Variants in DCLK1 observed in about 807,000 individuals in gnomAD.
DCLK1 encodes the protein serine/threonine-protein kinase DCLK1.
DCLK1 carries 16 observed loss-of-function variants against 86.2 expected under a neutral mutation model. The ratio of observed to expected loss-of-function variants is 0.19; its 90% CI spans 0.13 to 0.28. The LOEUF is 0.28. Ranked by LOEUF, DCLK1 falls within the 10% of genes least tolerant of loss-of-function variation. DCLK1 has a pLI of 1.00. For synonymous variants in DCLK1, 369 were observed against 370.5 expected (o/e 1.00, Z 0.05); for missense variants, 590 against 940.2 (o/e 0.63, Z 4.87).
At chr13:35,887,839 C>G (rs1873377015) in intron 4 of DCLK1, among the ~76,000 whole-genome samples, 1 of 119,184 alleles carries the variant, frequency 8.4e-6, no homozygotes, top group Admixed American at 1.1e-4. Context: ...CTCTTGTGCC[C>G]AGGAATTCAA....
chr13:36,025,971 G>C (rs1882019042), intron 3 of DCLK1, among the ~76,000 whole-genome samples: 1 of 152,086 alleles, frequency 6.6e-6, no homozygotes, highest in Non-Finnish European at 1.5e-5. Flanking sequence ...ATGGTGGGGG[G>C]AGAGGAAAGA....
chr13:36,101,005 G>T (rs1885199540), intron 3 of DCLK1, among the ~76,000 whole-genome samples: 1 of 152,122 alleles, frequency 6.6e-6, no homozygotes, highest in South Asian at 2.1e-4. Flanking sequence ...TCCGGGCATC[G>T]TCCATGTTGG....
chr13:35,879,395 T>A (rs1030497479), intron 4 of DCLK1, among the ~76,000 whole-genome samples: 1 of 152,208 alleles, frequency 6.6e-6, no homozygotes, highest in Admixed American at 6.5e-5. Flanking sequence ...TTTATGGCAC[T>A]GGGATTTTCT....
At chr13:35,825,989 T>G (rs913606231) in intron 10 of DCLK1, among the ~76,000 whole-genome samples, 1 of 151,728 alleles carries the variant, frequency 6.6e-6, no homozygotes, top group African/African-American at 2.4e-5. Context: ...ATTTTTTGTA[T>G]TTTTAGTAGA....
chr13:35,785,326 G>A (rs569915638), intron 16 of DCLK1, among the ~76,000 whole-genome samples: 13 of 152,108 alleles, frequency 8.5e-5, no homozygotes, highest in Non-Finnish European at 1.0e-4. Flanking sequence ...TTTCCAGGAA[G>A]GGGAAAATAT....
chr13:35,918,917 G>T lies in DCLK1; in HGVS notation c.823+28441C>A, dbSNP rs1364420849. 6.1e-4 allele frequency among the ~76,000 whole-genome samples: 4 copies of T among 6,510 alleles called. No homozygotes were observed. In the Admixed American group the frequency reaches 0.016, roughly 26 times the overall value. The allele number at this position is 6,510 out of a possible 152,430, so 4.3% of individuals were successfully genotyped here. The stretch of plus-strand genomic sequence containing the variant: ...GTTTTTTTTTTTTTTTTTGGAAACG[G>T]AGTCTCACTCACTCTGTCTGCTGCC... On this transcript the variant is annotated intron_variant, in intron 4 of 16. Transcript: ENST00000360631.
intron 16 of DCLK1, among the ~76,000 whole-genome samples, chr13:35,778,654 T>G (rs2086468901): frequency 6.6e-6 from 1 of 152,146 alleles, no homozygotes; most frequent in South Asian, 2.1e-4. Flanking sequence ...ATCCCAATTT[T>G]GAGAGACTGG....
At chr13:36,020,159 CA>C (rs1566648555) in intron 3 of DCLK1, among the ~76,000 whole-genome samples, 1 of 152,102 alleles carries the variant, frequency 6.6e-6, no homozygotes, top group East Asian at 1.9e-4. Context: ...ATGCTGGTGC[CA>C]TGCTTCTTGT....
intron 3 of DCLK1, among the ~76,000 whole-genome samples, chr13:36,051,473 C>T (rs117072856): frequency 0.015 from 2,289 of 152,222 alleles, 26 homozygotes; most frequent in Non-Finnish European, 0.026. Context: ...TTTAACAACA[C>T]ATAAGTACAT....
intron 4 of DCLK1, among the ~76,000 whole-genome samples, chr13:35,902,506 A>G (rs1434511515): frequency 6.6e-6 from 1 of 152,222 alleles, no homozygotes; most frequent in Non-Finnish European, 1.5e-5. Flanking sequence ...TGCGGGCAGA[A>G]GCATTATCAC....
At chr13:35,953,542 C>A (rs1024750776) in intron 3 of DCLK1, among the ~76,000 whole-genome samples, 34 of 152,126 alleles carry the variant, frequency 2.2e-4, no homozygotes, top group African/African-American at 7.0e-4. Context: ...GAATTCATAT[C>A]TTTTCCATTA....
chr13:35,860,293 T>C (rs978520415), intron 5 of DCLK1, among the ~76,000 whole-genome samples: 3 of 148,288 alleles, frequency 2.0e-5, no homozygotes, highest in African/African-American at 7.7e-5. Flanking sequence ...TGCCACATTA[T>C]TGAGAAGGAA....
chr13:35,838,285 A>C (rs1869538673), intron 7 of DCLK1, among the ~76,000 whole-genome samples: 1 of 152,178 alleles, frequency 6.6e-6, no homozygotes, highest in Non-Finnish European at 1.5e-5. Flanking sequence ...AATATAATAA[A>C]AGCACTTCCC....
chr13:35,965,312 C>T (rs977026773), intron 3 of DCLK1, among the ~76,000 whole-genome samples: 10 of 152,266 alleles, frequency 6.6e-5, no homozygotes, highest in African/African-American at 9.6e-5. Context: ...GCTGGGCATG[C>T]GTTGGCCATT....
intron 4 of DCLK1, among the ~76,000 whole-genome samples, chr13:35,920,685 G>A (rs1875746069): frequency 6.6e-6 from 1 of 152,254 alleles, no homozygotes; most frequent in Middle Eastern, 3.4e-3. Flanking sequence ...CTAAACCGGA[G>A]ATTGAGGGCC....
chr13:35,984,899 A>G (rs1368108396), intron 3 of DCLK1, among the ~76,000 whole-genome samples: 1 of 48,276 alleles, frequency 2.1e-5, no homozygotes, highest in Admixed American at 1.7e-4. Context: ...GTGCGCATGC[A>G]CACACACACA....
At chr13:36,048,309 T>C (rs528613154) in intron 3 of DCLK1, among the ~76,000 whole-genome samples, 41 of 152,254 alleles carry the variant, frequency 2.7e-4, no homozygotes, top group African/African-American at 9.1e-4. Flanking sequence ...AAGAAACAAC[T>C]AAAACAGTAT....
At chr13:36,011,759 T>C (rs1379413801) in intron 3 of DCLK1, among the ~76,000 whole-genome samples, 1 of 151,456 alleles carries the variant, frequency 6.6e-6, no homozygotes, top group Non-Finnish European at 1.5e-5. Flanking sequence ...GGTGCAGAGC[T>C]GAGTTCAATT....
intron 3 of DCLK1, among the ~76,000 whole-genome samples, chr13:35,968,803 A>G (rs529387103): frequency 8.1e-4 from 123 of 152,198 alleles, no homozygotes; most frequent in Middle Eastern, 6.8e-3. Flanking sequence ...AGAAGAAAAA[A>G]CCTTACCCAG....
Sources: gnomAD v4.1 joint callset for allele counts (sites outside exome capture counted in the v4.1 genomes callset) on GRCh38, gnomAD v4.1.1 for gene constraint, MANE v1.5 for transcripts, NCBI Gene and HGNC (gene_info 2026-07-23, HGNC 2026-07-21) for gene names.